Variants in AFAP1L2 observed in about 807,000 individuals in gnomAD.
The protein encoded by AFAP1L2 is actin filament associated protein 1 like 2, also known as actin filament-associated protein 1-like 2.
AFAP1L2 carries 46 observed loss-of-function variants against 99.3 expected under a neutral mutation model. That is an observed-to-expected ratio of 0.46 (90% CI 0.37 to 0.59). The LOEUF is 0.59. AFAP1L2 is among the 20% of genes least tolerant of loss of function. The probability of loss-of-function intolerance (pLI) is 0.00; values close to 1 mark genes in which losing one functional copy is unlikely to be tolerated. For missense variants in AFAP1L2, 959 were observed against 1,034.9 expected (o/e 0.93, Z 1.01); for synonymous variants, 397 against 419.1 (o/e 0.95, Z 0.64).
At chr10:114,296,892 A>C (rs1564766548) in intron 18 of AFAP1L2, 86 bp downstream of exon 18, 2 of 1,606,908 alleles carry the variant, frequency 1.2e-6, no homozygotes, top group East Asian at 4.5e-5. Flanking sequence ...GCCAAAAGCC[A>C]CAAAGCACCA....
At chr10:114,289,203 C>T in the AFAP1L2 span, 69 of 1,613,384 alleles carry the variant, frequency 4.3e-5, no homozygotes, top group African/African-American at 3.3e-4. Flanking sequence ...CAGCCGGCAC[C>T]GCCCTGCTGC....
chr10:114,289,615 G>C, the AFAP1L2 span: 1 of 1,072,732 alleles, frequency 9.3e-7, no homozygotes, highest in South Asian at 1.4e-5. Flanking sequence ...CCAAGTGCCA[G>C]GTTCTGTGCT....
At chr10:114,340,976 C>T (rs2048739301) in intron 1 of AFAP1L2, 4 of 561,052 alleles carry the variant, frequency 7.1e-6, no homozygotes, top group South Asian at 2.1e-5. Flanking sequence ...AAGTCCCAGC[C>T]CTACCAGGTG....
intron 1 of AFAP1L2, among the ~76,000 whole-genome samples, chr10:114,386,452 T>C (rs1445389221): frequency 1.3e-5 from 2 of 152,128 alleles, no homozygotes; most frequent in African/African-American, 4.8e-5. Flanking sequence ...AATTATTATT[T>C]TTAATAACCA....
At position 114,295,506 on chromosome 10, in the gene AFAP1L2, A is replaced by G; in HGVS notation, c.*536T>C. The G allele has an allele frequency of 1.0e-6, 1 of 981,518 alleles. No homozygotes were observed. Among genetic ancestry groups the G allele is most frequent in the Non-Finnish European group, 1.2e-6 (1 of 828,396 alleles). 60.8% of individuals were successfully genotyped at this position (981,518 alleles called of 1,614,324 possible). A position where few individuals can be genotyped will look rare whatever the true frequency, so the allele number is the denominator to read the frequency against. The stretch of plus-strand genomic sequence containing the variant: ...GGTTTTACAGATGATGGTTTTACAG[A>G]TGATGTCAATGCTGTTTAAAATCAC... On this transcript the variant is annotated 3_prime_UTR_variant, in exon 19 of 19. Transcript: ENST00000304129.
chr10:114,288,387 G>A, the AFAP1L2 span, among the ~76,000 whole-genome samples: 1 of 152,236 alleles, frequency 6.6e-6, no homozygotes, highest in South Asian at 2.1e-4. Flanking sequence ...GGCCCATTTT[G>A]TCCATACAGC....
chr10:114,325,560 G>A (rs1159838184), intron 4 of AFAP1L2, among the ~76,000 whole-genome samples: 1 of 152,218 alleles, frequency 6.6e-6, no homozygotes, highest in Non-Finnish European at 1.5e-5. Flanking sequence ...AGGAATCAAA[G>A]AATTTGGTCA....
intron 2 of AFAP1L2, among the ~76,000 whole-genome samples, chr10:114,340,023 A>AAC (rs957406926): frequency 4.7e-5 from 7 of 148,322 alleles, no homozygotes; most frequent in Non-Finnish European, 7.5e-5. Flanking sequence ...AAAAAAAAAA[A>AAC]AAGAGAGAGA....
upstream of AFAP1L2, chr10:114,404,611 G>A: frequency 4.4e-6 from 5 of 1,134,930 alleles, no homozygotes; most frequent in Non-Finnish European, 5.6e-6. Context: ...CCTCGGACCT[G>A]GCCCCCGCCA....
At chr10:114,382,700 A>G (rs2055852914) in intron 1 of AFAP1L2, among the ~76,000 whole-genome samples, 3 of 145,884 alleles carry the variant, frequency 2.1e-5, no homozygotes, top group African/African-American at 7.6e-5. Context: ...GGTTTAAGTG[A>G]TTCTCCTGCC....
intron 1 of AFAP1L2, among the ~76,000 whole-genome samples, chr10:114,398,317 T>C (rs189607001): frequency 1.2e-3 from 178 of 152,354 alleles, no homozygotes; most frequent in African/African-American, 4.1e-3. Context: ...GTCACCTATC[T>C]CTTTCTCCAC....
intron 4 of AFAP1L2, 79 bp downstream of exon 4, chr10:114,331,724 T>A (rs2047260377): frequency 1.0e-6 from 1 of 998,394 alleles, no homozygotes; most frequent in Non-Finnish European, 1.3e-6. Flanking sequence ...AGACACTTAG[T>A]GAGCTGACAC....
intron 7 of AFAP1L2, among the ~76,000 whole-genome samples, chr10:114,311,945 C>T (rs2043307610): frequency 6.6e-6 from 1 of 152,204 alleles, no homozygotes; most frequent in South Asian, 2.1e-4. Flanking sequence ...GGACCAGCCC[C>T]CACTGCCAAA....
chr10:114,309,217 A>G (rs1018023886), intron 8 of AFAP1L2, among the ~76,000 whole-genome samples: 1 of 152,246 alleles, frequency 6.6e-6, no homozygotes, highest in African/African-American at 2.4e-5. Flanking sequence ...TGGCCAAGGA[A>G]GCACTGCATG....
intron 5 of AFAP1L2, chr10:114,319,756 G>A (rs1458743158): frequency 1.5e-5 from 10 of 677,224 alleles, no homozygotes; most frequent in African/African-American, 1.1e-4. Flanking sequence ...GTGGCAACTC[G>A]GCTGCCAGTC....
At chr10:114,284,837 G>A in the AFAP1L2 span, 1 of 1,585,556 alleles carries the variant, frequency 6.3e-7, no homozygotes, top group Non-Finnish European at 8.6e-7. Flanking sequence ...GCGGTGCTTA[G>A]CGGTTAATGG....
intron 5 of AFAP1L2, among the ~76,000 whole-genome samples, chr10:114,317,987 A>G (rs909005067): frequency 6.6e-6 from 1 of 152,230 alleles, no homozygotes; most frequent in African/African-American, 2.4e-5. Flanking sequence ...TGTCCATGCA[A>G]CTGTAATCAT....
rs2058544568 is a variant in AFAP1L2 at position 114,404,487 on chromosome 10, G to C, written c.-32C>G. The C allele has an allele frequency of 1.3e-6, 2 of 1,530,746 alleles. No individual in the cohort carries two copies. The highest frequency in any genetic ancestry group is 1.7e-6 in the Non-Finnish European group (2 of 1,142,878). 94.8% of individuals were successfully genotyped at this position (1,530,746 alleles called of 1,614,324 possible). A position where few individuals can be genotyped will look rare whatever the true frequency, so the allele number is the denominator to read the frequency against. The stretch of plus-strand genomic sequence containing the variant: ...CACGGAGTGCGCTCCTCGCGGCTCG[G>C]CTTCTGCGCTGCTCTCCCGGCGCTC... On this transcript the variant is annotated 5_prime_UTR_variant, in exon 1 of 19. Transcript: ENST00000304129.
At chr10:114,318,181 G>A (rs1564849315) in intron 5 of AFAP1L2, among the ~76,000 whole-genome samples, 1 of 152,186 alleles carries the variant, frequency 6.6e-6, no homozygotes, top group Non-Finnish European at 1.5e-5. Context: ...CTTATTGCCA[G>A]TATTGCATTA....
Sources: allele counts gnomAD v4.1 joint callset (sites outside exome capture counted in the v4.1 genomes callset), GRCh38; gene constraint gnomAD v4.1.1; transcripts MANE v1.5; gene names NCBI Gene and HGNC (gene_info 2026-07-23, HGNC 2026-07-21).